PTPRD: variants seen among roughly 807,000 people sequenced by gnomAD.
The protein encoded by PTPRD is receptor-type tyrosine-protein phosphatase delta.
Under a neutral mutation model 214.5 loss-of-function variants are expected in PTPRD, and 34 were observed. That is an observed-to-expected ratio of 0.16 (90% CI 0.12 to 0.21). The LOEUF (loss-of-function observed/expected upper bound fraction) is 0.21. Among genes scored for constraint, PTPRD ranks in the 10% least tolerant of loss-of-function variants. PTPRD has a pLI of 1.00. For missense variants in PTPRD, 2,545 were observed against 2,398.7 expected, an observed-to-expected ratio of 1.06 and a Z score of -1.27; for synonymous variants, 1,128 against 845.7, an observed-to-expected ratio of 1.33 and a Z score of -5.79.
At chr9:9,161,777 A>C (rs941797500) in intron 10 of PTPRD, among the ~76,000 whole-genome samples, 2 of 152,102 alleles carry the variant, frequency 1.3e-5, no homozygotes, top group Non-Finnish European at 2.9e-5. Flanking sequence ...TGTGTATCAT[A>C]CTATATTTTT....
intron 12 of PTPRD, among the ~76,000 whole-genome samples, chr9:8,692,251 C>T (rs1203438139): frequency 6.6e-6 from 1 of 152,198 alleles, no homozygotes; most frequent in Admixed American, 6.5e-5. Flanking sequence ...AGTAGCTGAA[C>T]ACAATAACAT....
chr9:9,120,802 T>C (rs756406700), intron 10 of PTPRD, among the ~76,000 whole-genome samples: 5 of 152,168 alleles, frequency 3.3e-5, no homozygotes, highest in African/African-American at 4.8e-5. Context: ...CCAAGGATCA[T>C]GTGTACAACA....
At chr9:9,748,167 T>C (rs2098477099) in intron 6 of PTPRD, among the ~76,000 whole-genome samples, 1 of 152,228 alleles carries the variant, frequency 6.6e-6, no homozygotes, top group Non-Finnish European at 1.5e-5. Context: ...CTGTGTTTTC[T>C]GAACTTGGTG....
chr9:8,832,106 G>GTA (rs1196830708), intron 11 of PTPRD, among the ~76,000 whole-genome samples: 103 of 27,402 alleles, frequency 3.8e-3, no homozygotes, highest in African/African-American at 0.034. Flanking sequence ...ATGTGTATAT[G>GTA]TGTGTGTGTG....
At chr9:8,952,110 T>A (rs1290863514) in intron 11 of PTPRD, among the ~76,000 whole-genome samples, 9 of 152,022 alleles carry the variant, frequency 5.9e-5, no homozygotes, top group Admixed American at 4.6e-4. Context: ...TCTCTGTATA[T>A]AATTCCGAAT....
chr9:9,813,605 T>C (rs961355435), intron 5 of PTPRD, among the ~76,000 whole-genome samples: 2 of 152,012 alleles, frequency 1.3e-5, no homozygotes, highest in African/African-American at 2.4e-5. Flanking sequence ...ATAATGATCA[T>C]GCAAAGGTTT....
In PTPRD at chr9:10,394,957, CT is replaced by C. The variant is rs34786789; in HGVS notation, c.-599-53941del. On this transcript the variant is annotated intron_variant, in intron 2 of 45. Transcript: ENST00000381196. ...TGTGTTGCCACCATTTTTTCTTTTTCTTTTTTTTTTTTTTTTTTAGTCAGCT... is the reference window on the plus strand; with the variant it reads ...TGTGTTGCCACCATTTTTTCTTTTTCTTTTTTTTTTTTTTTTTAGTCAGCT... Among the ~76,000 whole-genome samples the C allele has an allele frequency of 2.4e-3, 318 of 133,158 alleles. 2 individuals carry two copies. Among genetic ancestry groups the C allele is most frequent in the Admixed American group, 3.9e-3 (50 of 12,922 alleles). The allele number at this position is 133,158 out of a possible 152,430, so 87.4% of individuals were successfully genotyped here.
intron 33 of PTPRD, 30 bp from the exon 34 acceptor site, chr9:8,449,867 A>T: frequency 2.5e-6 from 4 of 1,602,838 alleles, no homozygotes; most frequent in Non-Finnish European, 3.4e-6. Context: ...ATTTAAGAAG[A>T]AAAGAAAAAT....
chr9:10,239,009 T>C (rs2154361302), intron 3 of PTPRD, among the ~76,000 whole-genome samples: 1 of 152,050 alleles, frequency 6.6e-6, no homozygotes, highest in East Asian at 1.9e-4. Flanking sequence ...AATATGGTTT[T>C]GAATATCCTA....
chr9:9,503,806 C>T (rs1347766378), intron 8 of PTPRD, among the ~76,000 whole-genome samples: 1 of 151,634 alleles, frequency 6.6e-6, no homozygotes, highest in Non-Finnish European at 1.5e-5. Flanking sequence ...CATTCTTGGG[C>T]ATGTATGCCT....
At chr9:10,425,873 T>A (rs113647722) in intron 2 of PTPRD, among the ~76,000 whole-genome samples, 1 of 151,970 alleles carries the variant, frequency 6.6e-6, no homozygotes, top group African/African-American at 2.4e-5. Flanking sequence ...ATAAGTCATA[T>A]ACAATTTTTA....
chr9:8,571,111 A>T (rs1162058101), intron 14 of PTPRD, among the ~76,000 whole-genome samples: 1 of 152,006 alleles, frequency 6.6e-6, no homozygotes, highest in East Asian at 1.9e-4. Flanking sequence ...CCATTTATCA[A>T]TTTTTACCTT....
intron 21 of PTPRD, among the ~76,000 whole-genome samples, chr9:8,514,338 C>T (rs13288392): frequency 0.15 from 22,181 of 152,028 alleles, 2,013 homozygotes; most frequent in African/African-American, 0.26. Context: ...TTTTGTTTCT[C>T]AGATAATCTT....
intron 12 of PTPRD, among the ~76,000 whole-genome samples, chr9:8,679,517 C>G (rs1262086288): frequency 1.3e-5 from 2 of 152,214 alleles, no homozygotes; most frequent in African/African-American, 4.8e-5. Flanking sequence ...ACAGGATGCA[C>G]TGTCAGACAG....
chr9:10,118,433 T>C (rs906448105), intron 3 of PTPRD, among the ~76,000 whole-genome samples: 23 of 151,684 alleles, frequency 1.5e-4, no homozygotes, highest in African/African-American at 5.1e-4. Flanking sequence ...AGAGTTGTCC[T>C]GGTGTTAAAA....
At chr9:8,943,948 A>C (rs1358936211) in intron 11 of PTPRD, among the ~76,000 whole-genome samples, 1 of 152,072 alleles carries the variant, frequency 6.6e-6, no homozygotes, top group African/African-American at 2.4e-5. Context: ...GGAACAATCA[A>C]CAAAATGAAG....
At chr9:9,575,251 C>A (rs1211125369) in intron 7 of PTPRD, among the ~76,000 whole-genome samples, 2 of 152,036 alleles carry the variant, frequency 1.3e-5, no homozygotes, top group East Asian at 3.9e-4. Flanking sequence ...AATAACTATC[C>A]GTGATATATT....
At chr9:10,208,294 C>G (rs768392920) in intron 3 of PTPRD, among the ~76,000 whole-genome samples, 3 of 152,296 alleles carry the variant, frequency 2.0e-5, no homozygotes, top group Middle Eastern at 3.4e-3. Flanking sequence ...GAGGGCGGAT[C>G]ACGAGGTCAG....
At chr9:10,139,761 G>C (rs2098969829) in intron 3 of PTPRD, among the ~76,000 whole-genome samples, 1 of 151,878 alleles carries the variant, frequency 6.6e-6, no homozygotes, top group Non-Finnish European at 1.5e-5. Context: ...CTGATCTTCA[G>C]GAAAGTGAAC....
Sources: gnomAD v4.1 joint callset for allele counts (sites outside exome capture counted in the v4.1 genomes callset) on GRCh38, gnomAD v4.1.1 for gene constraint, MANE v1.5 for transcripts, NCBI Gene and HGNC (gene_info 2026-07-23, HGNC 2026-07-21) for gene names.